Variants in NCOA1 observed in about 807,000 individuals in gnomAD.
NCOA1 encodes Hin-2 protein.
NCOA1 carries 35 observed loss-of-function variants against 150.9 expected under a neutral mutation model. The ratio of observed to expected loss-of-function variants is 0.23; its 90% CI spans 0.18 to 0.31. The LOEUF (loss-of-function observed/expected upper bound fraction) is 0.31, where lower values mean the gene tolerates loss of function less well. Among genes scored for constraint, NCOA1 ranks in the 10% least tolerant of loss-of-function variants. NCOA1 has a pLI of 1.00. For synonymous variants in NCOA1, 590 were observed against 630.0 expected, an observed-to-expected ratio of 0.94 and a Z score of 0.95; for missense variants, 1,491 against 1,749.3, an observed-to-expected ratio of 0.85 and a Z score of 2.63.
chr2:24,561,601 T>C (rs1238497549), intron 1 of NCOA1, among the ~76,000 whole-genome samples: 1 of 152,180 alleles, frequency 6.6e-6, no homozygotes, highest in African/African-American at 2.4e-5. Flanking sequence ...AGGAAGGTTT[T>C]GGTTTTAGAA....
chr2:24,745,903 A>G (rs765441751), intron 19 of NCOA1, among the ~76,000 whole-genome samples: 6 of 152,162 alleles, frequency 3.9e-5, no homozygotes, highest in Non-Finnish European at 7.4e-5. Flanking sequence ...TACTCTATCT[A>G]AAGTATTCTT....
chr2:24,606,396 C>T (rs909588031), intron 3 of NCOA1, among the ~76,000 whole-genome samples: 10 of 151,972 alleles, frequency 6.6e-5, no homozygotes, highest in Non-Finnish European at 1.2e-4. Context: ...GCCACCATGC[C>T]CAGCTAATTT....
chr2:24,639,976 A>C (rs1670131607), intron 3 of NCOA1, among the ~76,000 whole-genome samples: 1 of 133,344 alleles, frequency 7.5e-6, no homozygotes, highest in African/African-American at 2.8e-5. Context: ...ATATATTCAG[A>C]GTATAAACGC....
chr2:24,754,701 G>C (rs1431405859), intron 20 of NCOA1, among the ~76,000 whole-genome samples: 2 of 152,104 alleles, frequency 1.3e-5, no homozygotes, highest in Non-Finnish European at 2.9e-5. Flanking sequence ...CTGTGTGATA[G>C]TCTATTTATT....
At chr2:24,560,256 G>A (rs912746306) in intron 1 of NCOA1, among the ~76,000 whole-genome samples, 1 of 152,058 alleles carries the variant, frequency 6.6e-6, no homozygotes, top group Non-Finnish European at 1.5e-5. Context: ...TTGTATAGTG[G>A]CCACTTCTTT....
intron 2 of NCOA1, among the ~76,000 whole-genome samples, chr2:24,574,397 A>C (rs1342002597): frequency 1.3e-5 from 2 of 152,110 alleles, no homozygotes; most frequent in African/African-American, 4.8e-5. Flanking sequence ...AAAGATGGAA[A>C]TATGCCCAAT....
intron 3 of NCOA1, among the ~76,000 whole-genome samples, chr2:24,629,815 T>C (rs1233168256): frequency 6.1e-5 from 6 of 97,752 alleles, no homozygotes; most frequent in African/African-American, 1.6e-4. Flanking sequence ...GTAACATACA[T>C]ACATATATAT....
chr2:24,681,123 G>A (rs1672142387), intron 7 of NCOA1, among the ~76,000 whole-genome samples: 1 of 152,070 alleles, frequency 6.6e-6, no homozygotes, highest in Non-Finnish European at 1.5e-5. Context: ...CAGCACTTTG[G>A]GAGGCCAAGG....
chr2:24,708,939 A>G (rs945434216), intron 13 of NCOA1, among the ~76,000 whole-genome samples: 2 of 152,142 alleles, frequency 1.3e-5, no homozygotes, highest in Non-Finnish European at 2.9e-5. Flanking sequence ...AAACCAATTC[A>G]AATAACATCT....
chr2:24,600,392 A>C (rs933619429), intron 3 of NCOA1, among the ~76,000 whole-genome samples: 1 of 152,114 alleles, frequency 6.6e-6, no homozygotes, highest in African/African-American at 2.4e-5. Flanking sequence ...TTTTTTGTAG[A>C]GATGGGGTCT....
intron 16 of NCOA1, among the ~76,000 whole-genome samples, chr2:24,729,019 A>G (rs1662856981): frequency 6.6e-6 from 1 of 152,256 alleles, no homozygotes; most frequent in South Asian, 2.1e-4. Flanking sequence ...TTAGGTCACA[A>G]TTTATATTTC....
intron 1 of NCOA1, among the ~76,000 whole-genome samples, chr2:24,524,765 G>A (rs1361476898): frequency 1.2e-4 from 18 of 151,942 alleles, no homozygotes; most frequent in Admixed American, 1.2e-3. Flanking sequence ...CCACCACAAT[G>A]CCCAGCTAAT....
chr2:24,661,083 T>C (rs1313265153), intron 5 of NCOA1, among the ~76,000 whole-genome samples: 1 of 152,092 alleles, frequency 6.6e-6, no homozygotes, highest in Admixed American at 6.6e-5. Flanking sequence ...AGAGTTTCTT[T>C]AATATCTAGG....
intron 2 of NCOA1, among the ~76,000 whole-genome samples, chr2:24,565,589 C>T (rs1666466971): frequency 1.3e-5 from 2 of 152,224 alleles, no homozygotes; most frequent in Non-Finnish European, 2.9e-5. Flanking sequence ...TGTCCTTTCA[C>T]TGGCCAGAAA....
Position 24,712,972 on chromosome 2 carries a change from G to A in NCOA1, c.2599+1861G>A, listed in dbSNP as rs377650777. Among the ~76,000 whole-genome samples, 9 of 152,264 alleles carry A rather than the reference G, an allele frequency of 5.9e-5. No homozygotes were observed. In the South Asian group the frequency reaches 1.7e-3, roughly 28 times the overall value. On this transcript the variant is annotated intron_variant, in intron 14 of 22. Coordinates refer to ENST00000348332, the MANE Select transcript of NCOA1 (RefSeq NM_003743.5). ...AGGCCAGGTGCGGTGGCTCACGCCTGTAATCGTGCACTTTGGGAGGCTGAG... is the reference window on the plus strand; with the variant it reads ...AGGCCAGGTGCGGTGGCTCACGCCTATAATCGTGCACTTTGGGAGGCTGAG...
chr2:24,610,768 T>G (rs552217499), intron 3 of NCOA1, among the ~76,000 whole-genome samples: 10 of 123,960 alleles, frequency 8.1e-5, no homozygotes, highest in South Asian at 7.6e-4. Flanking sequence ...TTTATTGTGG[T>G]TTTTTTTTTT....
intron 1 of NCOA1, among the ~76,000 whole-genome samples, chr2:24,517,881 G>A (rs1038437416): frequency 6.6e-6 from 1 of 152,152 alleles, no homozygotes; most frequent in Non-Finnish European, 1.5e-5. Flanking sequence ...TGATAATATA[G>A]TAATAGCATC....
chr2:24,631,392 A>G (rs1426437820), intron 3 of NCOA1, among the ~76,000 whole-genome samples: 1 of 152,150 alleles, frequency 6.6e-6, no homozygotes, highest in African/African-American at 2.4e-5. Context: ...AATAATCTTG[A>G]ATCTTCTCCA....
intron 6 of NCOA1, among the ~76,000 whole-genome samples, chr2:24,672,779 A>G (rs777984104): frequency 6.6e-6 from 1 of 152,198 alleles, no homozygotes; most frequent in Non-Finnish European, 1.5e-5. Flanking sequence ...AACTAGTCTG[A>G]CAGATCAGAA....
Sources: allele counts gnomAD v4.1 joint callset (sites outside exome capture counted in the v4.1 genomes callset), GRCh38; gene constraint gnomAD v4.1.1; transcripts MANE v1.5; gene names NCBI Gene and HGNC (gene_info 2026-07-23, HGNC 2026-07-21).